Variants in DNAJB6 observed in about 807,000 individuals in gnomAD.
DNAJB6 encodes DnaJ heat shock protein family (Hsp40) member B6, also known as dnaJ homolog subfamily B member 6.
Under a neutral mutation model 42.7 loss-of-function variants are expected in DNAJB6, and 16 were observed. The observed-to-expected ratio is 0.37, with a 90% CI of 0.25 to 0.57. DNAJB6 has a LOEUF of 0.57. DNAJB6 is among the 20% of genes least tolerant of loss of function. The probability of loss-of-function intolerance (pLI) is 0.74; values close to 1 mark genes in which losing one functional copy is unlikely to be tolerated. For missense variants in DNAJB6, 347 were observed against 416.8 expected (o/e 0.83, Z 1.46); for synonymous variants, 170 against 163.5 (o/e 1.04, Z -0.30).
chr7:157,357,318 C>G (rs374354272), intron 1 of DNAJB6, among the ~76,000 whole-genome samples: 1 of 32,708 alleles, frequency 3.1e-5, no homozygotes, highest in Non-Finnish European at 8.0e-5. Context: ...TTCCTTCCTT[C>G]CTTCCTCGTT....
chr7:157,408,817 C>T (rs547779254), intron 8 of DNAJB6, among the ~76,000 whole-genome samples: 1 of 152,366 alleles, frequency 6.6e-6, no homozygotes, highest in African/African-American at 2.4e-5. Flanking sequence ...TGCGGGGAAG[C>T]GAGGAGGATG....
intron 8 of DNAJB6, among the ~76,000 whole-genome samples, chr7:157,405,183 G>C (rs1795718003): frequency 6.6e-6 from 1 of 152,212 alleles, no homozygotes; most frequent in Non-Finnish European, 1.5e-5. Context: ...TGATGTGGCA[G>C]GAAAATTCTG....
intron 8 of DNAJB6, among the ~76,000 whole-genome samples, chr7:157,392,241 G>A (rs1801382073): frequency 6.6e-6 from 1 of 152,108 alleles, no homozygotes; most frequent in Non-Finnish European, 1.5e-5. Flanking sequence ...TGGCTATCCA[G>A]GGCAAGCATC....
chr7:157,377,859 C>G (rs1800548465), intron 5 of DNAJB6, among the ~76,000 whole-genome samples: 1 of 152,190 alleles, frequency 6.6e-6, no homozygotes, highest in South Asian at 2.1e-4. Flanking sequence ...GCTTAATCGT[C>G]AAGTGAGGGC....
rs1563137106 is a variant in DNAJB6, at chr7:157,382,333, G to A, written c.434G>A (p.Ser145Asn). The A allele has an allele frequency of 6.2e-7, 1 of 1,611,432 alleles. No homozygotes were observed. The highest frequency in any genetic ancestry group is 8.5e-7 in the Non-Finnish European group (1 of 1,179,560). Reference protein sequence around the residue: ...RGTGSFFSAFSGFPSFGSGFS... With the variant: ...RGTGSFFSAFNGFPSFGSGFS... The stretch of plus-strand genomic sequence containing the variant: ...ACGGGGTCGTTTTTCTCTGCGTTCA[G>A]TGGATTTCCGTCTTTTGGAAGTGGA... Residue 145 changes from serine to asparagine, a missense_variant, in exon 6 of 10, where the codon AGT (serine) becomes AAT (asparagine). Around this residue, in one of 3 missense-constraint regions of DNAJB6, gnomAD observed 264 missense variants for 288.0 expected, o/e 0.92. Coordinates refer to ENST00000262177, the MANE Select transcript of DNAJB6 (RefSeq NM_058246.4).
At chr7:157,365,593 G>A (rs1254615202) in intron 3 of DNAJB6, among the ~76,000 whole-genome samples, 2 of 152,188 alleles carry the variant, frequency 1.3e-5, no homozygotes, top group East Asian at 1.9e-4. Context: ...GTACTTGGTC[G>A]TGTGATTTTA....
intron 8 of DNAJB6, among the ~76,000 whole-genome samples, chr7:157,396,759 A>G (rs1468073216): frequency 6.6e-6 from 1 of 152,142 alleles, no homozygotes; most frequent in Non-Finnish European, 1.5e-5. Flanking sequence ...TTCCTGGGAA[A>G]TGGGCACAAA....
At chr7:157,414,848 C>T (rs1461033266) in intron 9 of DNAJB6, 1 of 152,322 alleles carries the variant, frequency 6.6e-6, no homozygotes, top group Non-Finnish European at 1.5e-5. Flanking sequence ...TGGTCCAGGA[C>T]ATGTGTGAGC....
At chr7:157,414,598 TCTGAACG>T (rs1235101021) in intron 9 of DNAJB6, 12 of 151,820 alleles carry the variant, frequency 7.9e-5, no homozygotes, top group Non-Finnish European at 1.3e-4. Context: ...GCTTGGCGGT[TCTGAACG>T]CGCATCTCGT....
chr7:157,382,252 C>T lies in DNAJB6; in HGVS notation c.353C>T (p.Pro118Leu). 2 of 1,597,092 alleles carry T rather than the reference C, an allele frequency of 1.3e-6. No individual in the cohort carries two copies. The highest frequency in any genetic ancestry group is 2.2e-5 in the East Asian group (1 of 44,574). Residue 118 changes from proline (P) to leucine (L), a missense_variant, in exon 6 of 10, where the codon CCT becomes CTT. Coordinates refer to ENST00000262177, the MANE Select transcript of DNAJB6 (RefSeq NM_058246.4). ...DPFSFDFFED[P>L]FEDFFGNRRG... ...TGTTTATGTTTGATTTTAGAAGACC[C>T]TTTTGAGGACTTCTTTGGGAATCGA...
intron 5 of DNAJB6, among the ~76,000 whole-genome samples, chr7:157,374,131 C>T (rs1305856298): frequency 1.3e-5 from 2 of 151,428 alleles, no homozygotes; most frequent in African/African-American, 4.9e-5. Flanking sequence ...AAGCAGTGGG[C>T]AGTCCCGCCC....
chr7:157,345,834 A>G (rs1360111167), intron 1 of DNAJB6, among the ~76,000 whole-genome samples: 2 of 152,186 alleles, frequency 1.3e-5, no homozygotes, highest in Non-Finnish European at 2.9e-5. Flanking sequence ...CTATGCTTGT[A>G]GAGCTCTGAT....
At chr7:157,380,684 G>A (rs557865429) in intron 5 of DNAJB6, 8 of 152,396 alleles carry the variant, frequency 5.2e-5, no homozygotes, top group African/African-American at 1.9e-4. Flanking sequence ...TTCCTCTTCT[G>A]TCTCTTGGCC....
At chr7:157,367,145 G>T (rs1487239265) in intron 4 of DNAJB6, among the ~76,000 whole-genome samples, 1 of 152,230 alleles carries the variant, frequency 6.6e-6, no homozygotes, top group African/African-American at 2.4e-5. Flanking sequence ...TAGAGATGGT[G>T]AAAAGTAGTG....
At chr7:157,380,371 C>T (rs951993203) in intron 5 of DNAJB6, 2 of 152,162 alleles carry the variant, frequency 1.3e-5, no homozygotes, top group Admixed American at 6.6e-5. Context: ...TTCCTAGTTT[C>T]AGATAAAAGG....
chr7:157,400,637 C>G (rs189500051), intron 8 of DNAJB6, among the ~76,000 whole-genome samples: 1 of 152,224 alleles, frequency 6.6e-6, no homozygotes, highest in Non-Finnish European at 1.5e-5. Context: ...TGTCTCATCA[C>G]CAGGCTCACC....
chr7:157,352,393 A>G (rs1371574874), intron 1 of DNAJB6, among the ~76,000 whole-genome samples: 1 of 151,814 alleles, frequency 6.6e-6, no homozygotes, highest in Non-Finnish European at 1.5e-5. Context: ...GAGTATCTTC[A>G]GTATTGCTGA....
intron 2 of DNAJB6, among the ~76,000 whole-genome samples, chr7:157,361,029 G>C (rs1457526902): frequency 6.6e-6 from 1 of 152,038 alleles, no homozygotes; most frequent in Non-Finnish European, 1.5e-5. Flanking sequence ...CCATTGCCAA[G>C]TTTTCATATG....
intron 1 of DNAJB6, among the ~76,000 whole-genome samples, chr7:157,347,172 T>G (rs1798732457): frequency 1.3e-5 from 2 of 152,224 alleles, no homozygotes; most frequent in African/African-American, 4.8e-5. Context: ...TTCATTTTGT[T>G]GTTTCTGTAA....
Sources: allele counts gnomAD v4.1 joint callset (sites outside exome capture counted in the v4.1 genomes callset), GRCh38; gene constraint gnomAD v4.1.1; regional missense constraint gnomAD v4.1.1; transcripts MANE v1.5; gene names NCBI Gene and HGNC (gene_info 2026-07-23, HGNC 2026-07-21).